Variants in PPP1R14B observed in about 807,000 individuals in gnomAD.
PPP1R14B encodes protein phosphatase 1 regulatory inhibitor subunit 14B, also known as protein phosphatase 1 regulatory subunit 14B.
A neutral mutation model predicts 14.7 loss-of-function variants in PPP1R14B; 4 were observed. The observed-to-expected ratio is 0.27, with a 90% CI of 0.13 to 0.62. The LOEUF (loss-of-function observed/expected upper bound fraction) is 0.62, where lower values mean the gene tolerates loss of function less well. Among genes scored for constraint, PPP1R14B ranks in the 20% least tolerant of loss-of-function variants. PPP1R14B has a pLI of 0.85. For missense variants in PPP1R14B, 138 were observed against 201.5 expected, an observed-to-expected ratio of 0.68 and a Z score of 1.91; for synonymous variants, 76 against 87.3, an observed-to-expected ratio of 0.87 and a Z score of 0.72.
chr11:64,244,872 C>G, intron 3 of PPP1R14B, 50 bp from the exon 4 acceptor site: 1 of 1,612,822 alleles, frequency 6.2e-7, no homozygotes, highest in Non-Finnish European at 8.5e-7. Context: ...CCCAAGATGA[C>G]AGGAGCCGGG....
At chr11:64,245,121 G>A (rs2030822875) in intron 2 of PPP1R14B, 83 bp downstream of exon 2, 1 of 1,517,400 alleles carries the variant, frequency 6.6e-7, no homozygotes, top group Non-Finnish European at 9.0e-7. Context: ...TGAGGCAGGA[G>A]CTGGGGCTTG....
chr11:64,246,386 T>C lies in PPP1R14B; in HGVS notation c.258+30A>G, dbSNP rs554589476. 8.2e-6 allele frequency: 13 copies of C among 1,591,404 alleles called. No individual in the cohort carries two copies. In the Admixed American group the frequency reaches 1.1e-4, roughly 13 times the overall value. Reference sequence around the variant, plus strand: ...CAGGCGGACCGGCGCGAGACCGATTTTGGGGTGTCGGCGCGGGGTGGGAAC... The same window carrying C: ...CAGGCGGACCGGCGCGAGACCGATTCTGGGGTGTCGGCGCGGGGTGGGAAC... On this transcript the variant is annotated intron_variant, in intron 1 of 3. Transcript: ENST00000309318.
intron 2 of PPP1R14B, 49 bp from the exon 3 acceptor site, chr11:64,245,011 G>A (rs1264826938): frequency 1.3e-6 from 2 of 1,565,236 alleles, no homozygotes; most frequent in African/African-American, 1.4e-5. Context: ...AGGAGTGGGG[G>A]CCTGGAGCTC....
chr11:64,246,284 T>A, intron 1 of PPP1R14B, 132 bp downstream of exon 1: 1 of 1,231,362 alleles, frequency 8.1e-7, no homozygotes, highest in Non-Finnish European at 1.1e-6. Context: ...GGGGCGGGAG[T>A]GCAGAGGGGA....
rs1248563212 is a variant in PPP1R14B at position 64,245,122 on chromosome 11, C to G, written c.342+82G>C. 5 of 1,521,030 alleles carry G rather than the reference C, an allele frequency of 3.3e-6. No homozygotes were observed. In the East Asian group the frequency reaches 6.8e-5, roughly 21 times the overall value. The allele number at this position is 1,521,030 out of a possible 1,614,324, so 94.2% of individuals were successfully genotyped here. On this transcript the variant is annotated intron_variant, in intron 2 of 3. Coordinates refer to ENST00000309318, the MANE Select transcript of PPP1R14B (RefSeq NM_138689.3). ...TGGCCCCATTCTGTTGAGGCAGGAGCTGGGGCTTGAGGGCCTGGCTCCACA... is the reference window on the plus strand; with the variant it reads ...TGGCCCCATTCTGTTGAGGCAGGAGGTGGGGCTTGAGGGCCTGGCTCCACA...
rs2030796252 is a variant in PPP1R14B, at chr11:64,244,682, A to G, written c.*72T>C. On this transcript the variant is annotated 3_prime_UTR_variant, in exon 4 of 4. Transcript: ENST00000309318. Reference sequence around the variant, plus strand: ...AGGCCTGGCCGCAGGGTCCCCCGGTATTGCTGTTGCTACGAGGTTGGGGGG... The same window carrying G: ...AGGCCTGGCCGCAGGGTCCCCCGGTGTTGCTGTTGCTACGAGGTTGGGGGG... 1 of 1,597,448 alleles carries G rather than the reference A, an allele frequency of 6.3e-7. No individual in the cohort carries two copies. Among genetic ancestry groups the G allele is most frequent in the South Asian group, 1.1e-5 (1 of 90,580 alleles).
rs568502856 is a variant in PPP1R14B, at chr11:64,245,010, G to A, written c.343-48C>T. On this transcript the variant is annotated intron_variant, in intron 2 of 3. Coordinates refer to ENST00000309318, the MANE Select transcript of PPP1R14B (RefSeq NM_138689.3). ...GGATAAGTGAGTCCTCAGGAGTGGG[G>A]GCCTGGAGCTCGCCTATACCCACTT... 1.9e-5 allele frequency: 30 copies of A among 1,566,980 alleles called. No individual in the cohort carries two copies. The African/African-American group carries it at 3.1e-4, about 16-fold the overall frequency.
intron 1 of PPP1R14B, chr11:64,245,705 G>A (rs1488036658): frequency 1.1e-5 from 2 of 182,470 alleles, no homozygotes; most frequent in Non-Finnish European, 2.3e-5. Context: ...AGGAAGTGAA[G>A]GCTGAGGGGT....
chr11:64,245,416 C>T (rs1351014356), intron 1 of PPP1R14B, 129 bp from the exon 2 acceptor site: 1 of 737,010 alleles, frequency 1.4e-6, no homozygotes, highest in Non-Finnish European at 2.2e-6. Flanking sequence ...GACAGAACAG[C>T]AGCTGCTCTG....
chr11:64,245,060 G>T, intron 2 of PPP1R14B, 98 bp from the exon 3 acceptor site: 1 of 1,463,546 alleles, frequency 6.8e-7, no homozygotes, highest in South Asian at 1.3e-5. Context: ...CCACCCTGAG[G>T]CACAGGAGAT....
intron 1 of PPP1R14B, 165 bp downstream of exon 1, chr11:64,246,251 C>G (rs1231461775): frequency 7.5e-6 from 7 of 935,144 alleles, no homozygotes; most frequent in Middle Eastern, 3.4e-4. Context: ...TGACTTAGGT[C>G]AGGCAAGAAA....
At position 64,244,760 on chromosome 11, in the gene PPP1R14B, C is replaced by T. The variant is rs760551902; in HGVS notation, c.438G>A (p.Lys146=). ...RGMQKLSTPQ[K]K ...TCTCCTGGGTCGGGGACCGTCACTT[C>T]TTCTGGGGTGTGCTCAGCTTCTGCA... Residue 146 remains lysine, a synonymous_variant, in exon 4 of 4, where the codon AAG becomes AAA. Coordinates refer to ENST00000309318, the MANE Select transcript of PPP1R14B (RefSeq NM_138689.3). The T allele has an allele frequency of 1.7e-5, 27 of 1,613,492 alleles. No individual in the cohort carries two copies. The highest frequency in any genetic ancestry group is 1.5e-4 in the African/African-American group (11 of 74,892).
Position 64,244,746 on chromosome 11 carries a change from G to T in PPP1R14B, c.*8C>A. On this transcript the variant is annotated 3_prime_UTR_variant, in exon 4 of 4. Transcript: ENST00000309318. ...GTGGGAGCCACCGTTCTCCTGGGTC[G>T]GGGACCGTCACTTCTTCTGGGGTGT... 6.2e-7 allele frequency: 1 copy of T among 1,612,510 alleles called. No individual in the cohort carries two copies. The highest frequency in any genetic ancestry group is 2.2e-5 in the East Asian group (1 of 44,878).
In PPP1R14B at chr11:64,244,930, C is replaced by T. The variant is rs2030810343; in HGVS notation, c.375G>A (p.Glu125=). The part of the protein sequence containing the change: ...ELLVDCYKPT[E]AFISGLLDKI... ...GCCAGCCCCCCAGGAAATCTCTTAC[C>T]TCTGTGGGTTTGTAACAGTCAACCA... Residue 125 remains glutamate, a splice_region_variant and synonymous_variant, in exon 3 of 4, where the codon GAG becomes GAA. Transcript: ENST00000309318. 1.2e-6 allele frequency: 2 copies of T among 1,612,682 alleles called. No individual in the cohort carries two copies. Among genetic ancestry groups the T allele is most frequent in the Admixed American group, 1.7e-5 (1 of 59,898 alleles).
chr11:64,245,306 A>T lies in PPP1R14B; in HGVS notation c.259-19T>A. ...CCTCTTCCTGGGGTGGGGGTGGGGG[A>T]GGAGGGAGAGACATAAGCCTGAGTT... On this transcript the variant is annotated intron_variant, in intron 1 of 3. Coordinates refer to ENST00000309318, the MANE Select transcript of PPP1R14B (RefSeq NM_138689.3). 2 of 1,186,632 alleles carry T rather than the reference A, an allele frequency of 1.7e-6. No homozygotes were observed. The highest frequency in any genetic ancestry group is 2.5e-6 in the Non-Finnish European group (2 of 792,298). 73.5% of individuals were successfully genotyped at this position (1,186,632 alleles called of 1,614,324 possible).
rs370425359 is a variant in PPP1R14B at position 64,245,337 on chromosome 11, G to A, written c.259-50C>T. On this transcript the variant is annotated intron_variant, in intron 1 of 3. Coordinates refer to ENST00000309318, the MANE Select transcript of PPP1R14B (RefSeq NM_138689.3). ...GAGAGACATAAGCCTGAGTTGGAGA[G>A]AGGGTGTGAGAGGGGCTCTGGGTTG... 1.3e-5 allele frequency: 20 copies of A among 1,489,794 alleles called. No individual in the cohort carries two copies. The African/African-American group carries it at 2.3e-4, about 17-fold the overall frequency. The allele number at this position is 1,489,794 out of a possible 1,614,324, so 92.3% of individuals were successfully genotyped here.
intron 1 of PPP1R14B, 106 bp from the exon 2 acceptor site, chr11:64,245,393 C>T (rs910822756): frequency 1.5e-5 from 14 of 906,306 alleles, no homozygotes; most frequent in South Asian, 1.6e-5. Context: ...GGAACCCAGC[C>T]CTCTGCCCAG....
chr11:64,244,870 G>A, intron 3 of PPP1R14B, 48 bp from the exon 4 acceptor site: 1 of 1,612,782 alleles, frequency 6.2e-7, no homozygotes, highest in Non-Finnish European at 8.5e-7. Flanking sequence ...ACCCCAAGAT[G>A]ACAGGAGCCG....
chr11:64,245,309 A>AGGG, intron 1 of PPP1R14B, 22 bp from the exon 2 acceptor site: 1 of 1,427,382 alleles, frequency 7.0e-7, no homozygotes, highest in East Asian at 2.3e-5. Flanking sequence ...GTGGGGGAGG[A>AGGG]GGGAGAGACA....
Sources: allele counts gnomAD v4.1 joint callset, GRCh38; gene constraint gnomAD v4.1.1; transcripts MANE v1.5; gene names NCBI Gene and HGNC (gene_info 2026-07-23, HGNC 2026-07-21).